FHIT: variants seen among roughly 807,000 people sequenced by gnomAD.
FHIT encodes the protein fragile histidine triad diadenosine triphosphatase.
Under a neutral mutation model 17.9 loss-of-function variants are expected in FHIT, and 19 were observed. The observed-to-expected ratio is 1.06, with a 90% CI of 0.74 to 1.56. The LOEUF (loss-of-function observed/expected upper bound fraction) is 1.56. Among genes scored for constraint, FHIT ranks in the 40% most tolerant of loss-of-function variants. The pLI, the probability that FHIT is intolerant of heterozygous loss-of-function variation, is 0.00. For synonymous variants in FHIT, 81 were observed against 69.7 expected, an observed-to-expected ratio of 1.16 and a Z score of -0.81; for missense variants, 248 against 189.2, an observed-to-expected ratio of 1.31 and a Z score of -1.82.
At position 60,688,853 on chromosome 3, in the gene FHIT, C is replaced by G. The variant is rs138487537; in HGVS notation, c.-18+133066G>C. The stretch of plus-strand genomic sequence containing the variant: ...CATGCTTTGTGTAGTTTATGCTTTA[C>G]TCTTTTTTCTTTGTTTTATATACTA... On this transcript the variant is annotated intron_variant, in intron 4 of 9. Transcript: ENST00000492590. 2.9e-4 allele frequency among the ~76,000 whole-genome samples: 44 copies of G among 152,232 alleles called. 1 individual carries two copies. Among genetic ancestry groups the G allele is most frequent in the African/African-American group, 1.0e-3 (42 of 41,552 alleles).
chr3:60,352,551 A>C (rs1309950837), intron 5 of FHIT, among the ~76,000 whole-genome samples: 1 of 152,088 alleles, frequency 6.6e-6, no homozygotes, highest in African/African-American at 2.4e-5. Context: ...ATTCAGGCTA[A>C]AGTACAGTGG....
intron 8 of FHIT, among the ~76,000 whole-genome samples, chr3:59,889,424 C>T (rs1413960242): frequency 6.6e-6 from 1 of 152,216 alleles, no homozygotes; most frequent in Non-Finnish European, 1.5e-5. Context: ...GTACCACAGG[C>T]CATTAGGAAA....
intron 5 of FHIT, among the ~76,000 whole-genome samples, chr3:60,059,164 C>G (rs948740027): frequency 4.6e-5 from 7 of 152,168 alleles, no homozygotes; most frequent in Non-Finnish European, 4.4e-5. Flanking sequence ...CAGCCAGCAC[C>G]AGGGAAAGAC....
chr3:59,768,378 G>T (rs1701906733), intron 8 of FHIT, among the ~76,000 whole-genome samples: 2 of 151,974 alleles, frequency 1.3e-5, no homozygotes, highest in African/African-American at 4.8e-5. Flanking sequence ...CATGTGAGTA[G>T]GAGTTATTCT....
intron 2 of FHIT, among the ~76,000 whole-genome samples, chr3:61,160,121 G>A (rs2037644426): frequency 1.3e-5 from 2 of 152,068 alleles, no homozygotes; most frequent in African/African-American, 4.8e-5. Flanking sequence ...GACTTCAAAT[G>A]TGCTAATAAT....
At chr3:60,238,369 C>T (rs1704925031) in intron 5 of FHIT, among the ~76,000 whole-genome samples, 1 of 141,978 alleles carries the variant, frequency 7.0e-6, no homozygotes, top group African/African-American at 2.6e-5. Flanking sequence ...TAAAACTATC[C>T]TATCTAAGAA....
chr3:61,129,805 T>C (rs1025785515), intron 2 of FHIT, among the ~76,000 whole-genome samples: 15 of 152,210 alleles, frequency 9.9e-5, no homozygotes, highest in Admixed American at 2.0e-4. Context: ...AGTGCTTAAA[T>C]GTTCAGTAAA....
intron 2 of FHIT, among the ~76,000 whole-genome samples, chr3:61,059,395 T>C (rs1240833328): frequency 8.1e-6 from 1 of 123,764 alleles, no homozygotes; most frequent in African/African-American, 3.2e-5. Flanking sequence ...TTTTTTTTTT[T>C]GCCAGAAAGC....
intron 5 of FHIT, among the ~76,000 whole-genome samples, chr3:60,452,719 A>C (rs565982569): frequency 1.3e-5 from 2 of 152,300 alleles, no homozygotes; most frequent in Admixed American, 1.3e-4. Context: ...TCTTCAGAGA[A>C]GTGTAAACCT....
rs139600679 is a variant in FHIT, at chr3:60,172,172, A to G, written c.104-158020T>C. Among the ~76,000 whole-genome samples, 6 of 152,336 alleles carry G rather than the reference A, an allele frequency of 3.9e-5. No homozygotes were observed. In the East Asian group the frequency reaches 1.2e-3, roughly 29 times the overall value. On this transcript the variant is annotated intron_variant, in intron 5 of 9. Transcript: ENST00000492590. ...GTAACAGAGGAATGAAACTGAGCTC[A>G]GGAAGTCAGGAGAGCTAGTTAAGGG...
At chr3:60,547,050 G>C (rs1190923908) in intron 4 of FHIT, among the ~76,000 whole-genome samples, 1 of 152,168 alleles carries the variant, frequency 6.6e-6, no homozygotes, top group Non-Finnish European at 1.5e-5. Flanking sequence ...AATAGAGTTT[G>C]ATGGGAAAAT....
chr3:60,283,631 A>G (rs1438058235), intron 5 of FHIT, among the ~76,000 whole-genome samples: 10 of 152,116 alleles, frequency 6.6e-5, no homozygotes, highest in Admixed American at 5.9e-4. Flanking sequence ...TCTACTCTAC[A>G]TGTAAATAAG....
At chr3:59,983,428 C>T (rs541044369) in intron 7 of FHIT, among the ~76,000 whole-genome samples, 1 of 152,058 alleles carries the variant, frequency 6.6e-6, no homozygotes, top group South Asian at 2.1e-4. Context: ...ATTCTGAGAG[C>T]AAGAAAAAGA....
intron 5 of FHIT, among the ~76,000 whole-genome samples, chr3:60,086,395 C>T (rs893364932): frequency 1.3e-5 from 2 of 152,174 alleles, no homozygotes; most frequent in Non-Finnish European, 2.9e-5. Flanking sequence ...CCATGTACTT[C>T]TCACATGTGA....
chr3:60,311,632 A>G (rs549777290), intron 5 of FHIT, among the ~76,000 whole-genome samples: 143 of 152,372 alleles, frequency 9.4e-4, no homozygotes, highest in South Asian at 3.7e-3. Flanking sequence ...TGTCTAAAAT[A>G]ATGACACATT....
chr3:60,618,066 T>C (rs2039006422), intron 4 of FHIT: 1 of 161,172 alleles, frequency 6.2e-6, no homozygotes, highest in African/African-American at 2.4e-5. Context: ...ACAAAGTAAA[T>C]TTAAAAAGTT....
At chr3:60,037,982 G>A (rs993488973) in intron 5 of FHIT, among the ~76,000 whole-genome samples, 6 of 152,058 alleles carry the variant, frequency 3.9e-5, no homozygotes, top group Admixed American at 6.6e-5. Context: ...CCAAAGTGTT[G>A]GGATTACAGG....
chr3:60,288,175 C>T (rs1707817955), intron 5 of FHIT, among the ~76,000 whole-genome samples: 1 of 152,152 alleles, frequency 6.6e-6, no homozygotes, highest in Non-Finnish European at 1.5e-5. Context: ...CTAGAGGAAG[C>T]TCTCCATAAA....
At chr3:61,034,106 A>T (rs1452349122) in intron 3 of FHIT, among the ~76,000 whole-genome samples, 1 of 152,212 alleles carries the variant, frequency 6.6e-6, no homozygotes, top group Non-Finnish European at 1.5e-5. Flanking sequence ...ACCATATATA[A>T]AAATTAACCC....
Sources: allele counts gnomAD v4.1 joint callset (sites outside exome capture counted in the v4.1 genomes callset), GRCh38; gene constraint gnomAD v4.1.1; transcripts MANE v1.5; gene names NCBI Gene and HGNC (gene_info 2026-07-23, HGNC 2026-07-21).